FAM3D: variants seen among roughly 807,000 people sequenced by gnomAD.
The protein encoded by FAM3D is FAM3 metabolism regulating signaling molecule D, also known as protein FAM3D.
FAM3D carries 26 observed loss-of-function variants against 29.8 expected under a neutral mutation model. The ratio of observed to expected loss-of-function variants is 0.87; its 90% confidence interval spans 0.64 to 1.21. The LOEUF is 1.21. Ranked by LOEUF, FAM3D falls within the 50% of genes most tolerant of loss-of-function variation. FAM3D has a pLI of 0.00. For synonymous variants in FAM3D, 115 were observed against 102.3 expected, an observed-to-expected ratio of 1.12 and a Z score of -0.75; for missense variants, 253 against 290.9, an observed-to-expected ratio of 0.87 and a Z score of 0.95.
chr3:58,646,495 A>G (rs2066485376), intron 4 of FAM3D, among the ~76,000 whole-genome samples: 1 of 152,206 alleles, frequency 6.6e-6, no homozygotes, highest in Admixed American at 6.5e-5. Flanking sequence ...GAGTTCTGGG[A>G]TGACACCCGC....
At position 58,636,320 on chromosome 3, in the gene FAM3D, G is replaced by A. The variant is rs758078490; in HGVS notation, c.559C>T (p.Leu187Phe). The A allele has an allele frequency of 2.2e-5, 35 of 1,614,038 alleles. No individual in the cohort carries two copies. In the African/African-American group the frequency reaches 4.0e-4, roughly 18 times the overall value. ...DSWVFIGAKD[L>F]RGKSPFEQFL... ...TGCTCAAAGGGGCTTTTACCCCTGA[G>A]GTCTTTGGCTCCTATGAAGACCCAG... is the stretch of plus-strand genomic sequence containing the variant. The change falls in exon 9 of 10, where the codon CTC (leucine) becomes TTC (phenylalanine). Residue 187 changes from leucine to phenylalanine, a missense_variant. By Grantham distance (22) the Leu-to-Phe change is conservative. Transcript: ENST00000358781.
chr3:58,658,694 G>A (rs770680006), intron 1 of FAM3D, among the ~76,000 whole-genome samples: 2 of 152,172 alleles, frequency 1.3e-5, no homozygotes, highest in Admixed American at 6.5e-5. Flanking sequence ...GCCAATCAGA[G>A]CTTTGCAATT....
intron 3 of FAM3D, among the ~76,000 whole-genome samples, chr3:58,652,480 C>T (rs940726669): frequency 6.7e-6 from 1 of 149,622 alleles, no homozygotes; most frequent in Non-Finnish European, 1.5e-5. Flanking sequence ...ACCCACTCAT[C>T]CATCCATCCA....
chr3:58,645,596 T>C lies in FAM3D; in HGVS notation c.176A>G (p.Lys59Arg), dbSNP rs2066454753. Residue 59 changes from lysine to arginine, a missense_variant, in exon 5 of 10, where the codon AAG becomes AGG. Transcript: ENST00000358781. ...QVKKYKCGLI[K>R]PCPANYFAFK... Reference sequence around the variant, plus strand: ...CGCAAAGTAGTTGGCTGGGCAGGGCTTGATGAGGCCACACTTGTACTTTTT... The same window carrying C: ...CGCAAAGTAGTTGGCTGGGCAGGGCCTGATGAGGCCACACTTGTACTTTTT... 6.2e-7 allele frequency: 1 copy of C among 1,614,222 alleles called. No homozygotes were observed. The highest frequency in any genetic ancestry group is 8.5e-7 in the Non-Finnish European group (1 of 1,180,044).
In FAM3D at chr3:58,635,491, G is replaced by C. The variant is rs751563284; in HGVS notation, c.585+803C>G. Among the ~76,000 whole-genome samples the C allele has an allele frequency of 6.6e-6, 1 of 152,156 alleles. No individual in the cohort carries two copies. The highest frequency in any genetic ancestry group is 1.9e-4 in the East Asian group (1 of 5,188). ...GATGCTGGGCTTCCTGTACTCCCAC[G>C]CCTCCTCTGTCTTGCCGGTTCCCCT... On this transcript the variant is annotated intron_variant, in intron 9 of 9. Transcript: ENST00000358781. The surrounding 1 kb of genome is among the most constrained non-coding windows in gnomAD (Gnocchi z 5.2).
chr3:58,641,676 C>G (rs892449903), intron 6 of FAM3D, among the ~76,000 whole-genome samples: 1 of 152,212 alleles, frequency 6.6e-6, no homozygotes, highest in East Asian at 1.9e-4. Context: ...CCTGCTTAAC[C>G]TCTTTGAGCC....
rs542455402 is a variant in FAM3D at position 58,650,474 on chromosome 3, G to T, written c.122-1136C>A. Among the ~76,000 whole-genome samples the T allele has an allele frequency of 2.1e-3, 323 of 152,254 alleles. 10 individuals are homozygous for T. The South Asian group carries it at 0.065, about 31-fold the overall frequency. On this transcript the variant is annotated intron_variant, in intron 3 of 9. Coordinates refer to ENST00000358781, the MANE Select transcript of FAM3D (RefSeq NM_138805.3). ...AAGGGAGAAGATAAGCATCGGGAGA[G>T]GAGCCATCGTGCCTGCCTTAGAGAG...
At position 58,634,228 on chromosome 3, in the gene FAM3D, G is replaced by T. The variant is rs761731495; in HGVS notation, c.*51C>A. On this transcript the variant is annotated 3_prime_UTR_variant, in exon 10 of 10. Transcript: ENST00000358781. This position sits in a 1 kb window ranked among gnomAD's most constrained non-coding sequence, Gnocchi z 4.6. ...GCCCCTGCCGGGCTCTGACTCCTAA[G>T]TCAGGCAGGAGCTTCTTCAGGCCCC... The T allele has an allele frequency of 3.1e-5, 49 of 1,569,554 alleles. No individual in the cohort carries two copies. In the Middle Eastern group the frequency reaches 5.5e-4, roughly 18 times the overall value.
At chr3:58,649,017 G>C (rs2066552580) in intron 4 of FAM3D, among the ~76,000 whole-genome samples, 1 of 152,208 alleles carries the variant, frequency 6.6e-6, no homozygotes, top group South Asian at 2.1e-4. Flanking sequence ...GAGACAGGGG[G>C]CAGGGGCAGG....
intron 1 of FAM3D, among the ~76,000 whole-genome samples, chr3:58,662,149 T>C (rs4681892): frequency 0.65 from 98,452 of 151,926 alleles, 33,912 homozygotes; most frequent in East Asian, 0.85. Flanking sequence ...TGGGGCTGGG[T>C]GGAGTATCTG....
intron 7 of FAM3D, among the ~76,000 whole-genome samples, chr3:58,639,355 A>G (rs568233507): frequency 2.3e-4 from 35 of 152,268 alleles, no homozygotes; most frequent in African/African-American, 6.3e-4. Flanking sequence ...TATGTCACAG[A>G]TGAAGAAACT....
At position 58,634,134 on chromosome 3, in the gene FAM3D, G is replaced by A. The variant is rs942821988; in HGVS notation, c.*145C>T. 1.2e-5 allele frequency: 8 copies of A among 658,790 alleles called. No individual in the cohort carries two copies. Among genetic ancestry groups the A allele is most frequent in the Admixed American group, 8.4e-5 (3 of 35,822 alleles). 40.8% of individuals were successfully genotyped at this position (658,790 alleles called of 1,614,324 possible). On this transcript the variant is annotated 3_prime_UTR_variant, in exon 10 of 10. Transcript: ENST00000358781. This position sits in a 1 kb window ranked among gnomAD's most constrained non-coding sequence, Gnocchi z 4.6. Reference sequence around the variant, plus strand: ...GTGGGAGGGTTCTGTTTCCGAGGAGGAGAGGCGCGACACAGCGTGCAAGGA... The same window carrying A: ...GTGGGAGGGTTCTGTTTCCGAGGAGAAGAGGCGCGACACAGCGTGCAAGGA...
At chr3:58,653,172 C>T (rs1006561014) in intron 3 of FAM3D, among the ~76,000 whole-genome samples, 5 of 152,134 alleles carry the variant, frequency 3.3e-5, no homozygotes, top group African/African-American at 1.2e-4. Context: ...AAAAGCCTGA[C>T]ATGAGAGAAG....
At chr3:58,662,386 C>T (rs1338153653) in intron 1 of FAM3D, among the ~76,000 whole-genome samples, 4 of 152,164 alleles carry the variant, frequency 2.6e-5, no homozygotes, top group Admixed American at 2.6e-4. Context: ...CCTAGGAAGG[C>T]ACGGGATCAG....
At chr3:58,653,090 G>C (rs576216163) in intron 3 of FAM3D, among the ~76,000 whole-genome samples, 20 of 152,234 alleles carry the variant, frequency 1.3e-4, no homozygotes, top group Non-Finnish European at 2.9e-4. Flanking sequence ...TCACATTCTA[G>C]GGTGTGGAGA....
At chr3:58,661,775 C>G (rs1336649535) in intron 1 of FAM3D, among the ~76,000 whole-genome samples, 6 of 152,234 alleles carry the variant, frequency 3.9e-5, no homozygotes, top group African/African-American at 1.4e-4. Context: ...ACACCTGGCA[C>G]AGAGGAAGTG....
At chr3:58,645,108 T>G (rs2066438044) in intron 5 of FAM3D, among the ~76,000 whole-genome samples, 1 of 152,238 alleles carries the variant, frequency 6.6e-6, no homozygotes, top group Non-Finnish European at 1.5e-5. Context: ...TGGGCTTTGA[T>G]GCCTGGGTCA....
rs370064789 is a variant in FAM3D, at chr3:58,665,453, A to G, written c.-39+1123T>C. On this transcript the variant is annotated intron_variant, in intron 1 of 9. Transcript: ENST00000358781. ...CTGCCCTGACTCCCAGGCTATCTCC[A>G]TGGTGTATGTCAAACTGTTTTGAAA... 3.9e-5 allele frequency among the ~76,000 whole-genome samples: 6 copies of G among 152,116 alleles called. No homozygotes were observed. The East Asian group carries it at 9.6e-4, about 24-fold the overall frequency.
chr3:58,638,768 C>G (rs2066246362), intron 7 of FAM3D, among the ~76,000 whole-genome samples: 1 of 152,216 alleles, frequency 6.6e-6, no homozygotes. Flanking sequence ...ATTCTCCCAA[C>G]TAAGGCCAGC....
Sources: gnomAD v4.1 joint callset for allele counts (sites outside exome capture counted in the v4.1 genomes callset) on GRCh38, gnomAD v4.1.1 for gene constraint, Gnocchi (gnomAD v3.1) non-coding constraint, MANE v1.5 for transcripts, NCBI Gene and HGNC (gene_info 2026-07-23, HGNC 2026-07-21) for gene names.